The following USP45 variants were observed in gnomAD, a reference collection of about 807,000 sequenced individuals.
USP45 encodes ubiquitin carboxyl-terminal hydrolase 45.
USP45 carries 89 observed loss-of-function variants against 95.8 expected under a neutral mutation model. The observed-to-expected ratio is 0.93, with a 90% confidence interval of 0.78 to 1.11. The LOEUF (loss-of-function observed/expected upper bound fraction) is 1.11, where lower values mean the gene tolerates loss of function less well. USP45 is among the 50% of genes least tolerant of loss of function. The pLI is 0.00. For missense variants in USP45, 898 were observed against 942.5 expected, an observed-to-expected ratio of 0.95 and a Z score of 0.62; for synonymous variants, 281 against 316.2, an observed-to-expected ratio of 0.89 and a Z score of 1.18.
chr6:99,497,086 C>A (rs577964049), intron 5 of USP45, among the ~76,000 whole-genome samples: 8 of 152,208 alleles, frequency 5.3e-5, no homozygotes, highest in South Asian at 2.1e-4. Context: ...TGCCTATTCA[C>A]CCCTTCTTCC....
rs536564038 is a variant in USP45 at position 99,434,658 on chromosome 6, C to T, written c.*1058G>A. 15 of 152,134 alleles carry T rather than the reference C, an allele frequency of 9.9e-5. No individual in the cohort carries two copies. The highest frequency in any genetic ancestry group is 2.2e-4 in the Non-Finnish European group (15 of 68,002). 9.4% of individuals were successfully genotyped at this position (152,134 alleles called of 1,614,324 possible). A position where few individuals can be genotyped will look rare whatever the true frequency, so the allele number is the denominator to read the frequency against. On this transcript the variant is annotated 3_prime_UTR_variant, in exon 18 of 18. Coordinates refer to ENST00000500704, the MANE Select transcript of USP45 (RefSeq NM_001346022.3). Reference sequence around the variant, plus strand: ...AATTCACCTGAACTTATTAATGATGCTTGCTGAAGACAAAGTGATTTCAAA... The same window carrying T: ...AATTCACCTGAACTTATTAATGATGTTTGCTGAAGACAAAGTGATTTCAAA...
intron 13 of USP45, among the ~76,000 whole-genome samples, chr6:99,451,504 C>A (rs1783829358): frequency 6.6e-6 from 1 of 152,152 alleles, no homozygotes; most frequent in Non-Finnish European, 1.5e-5. Context: ...AGGAGAACTA[C>A]AAACCACTGC....
Position 99,488,281 on chromosome 6 carries a change from A to C in USP45, c.633T>G (p.Thr211=). ...CATTCATCAGATCAGTAAGAGTATA[A>C]GTCTGTGCCAAGTTCTAAAAGAAAA... ...FNAVMQNLAQ[T]YTLTDLMNEI... Residue 211 remains threonine, a synonymous_variant, in exon 7 of 18, where the codon ACT becomes ACG. Coordinates refer to ENST00000500704, the MANE Select transcript of USP45 (RefSeq NM_001346022.3). 1 of 1,605,722 alleles carries C rather than the reference A, an allele frequency of 6.2e-7. No individual in the cohort carries two copies. The highest frequency in any genetic ancestry group is 2.2e-5 in the East Asian group (1 of 44,686).
intron 16 of USP45, among the ~76,000 whole-genome samples, chr6:99,438,356 T>C (rs1392471374): frequency 6.6e-6 from 1 of 152,138 alleles, no homozygotes. Context: ...AAAAAAATTA[T>C]AAAAGAATAA....
chr6:99,439,973 C>A, intron 15 of USP45, 118 bp from the exon 16 acceptor site: 1 of 621,924 alleles, frequency 1.6e-6, no homozygotes, highest in Non-Finnish European at 2.7e-6. Flanking sequence ...AAAAATGTGA[C>A]TAATGTATAG....
chr6:99,473,777 A>AACACACAACACACACACAC (rs1790078239), intron 9 of USP45, among the ~76,000 whole-genome samples: 1 of 127,736 alleles, frequency 7.8e-6, no homozygotes, highest in Non-Finnish European at 1.6e-5. Context: ...AAAAAAACAA[A>AACACACAACACACACACAC]ACACACACAC....
At chr6:99,501,912 C>T (rs1797447007) in intron 5 of USP45, 1 of 1,284,322 alleles carries the variant, frequency 7.8e-7, no homozygotes, top group Admixed American at 2.5e-5. Context: ...CATGATGGGT[C>T]CCTCAGGCCA....
At chr6:99,461,276 A>G in intron 13 of USP45, 2 of 985,366 alleles carry the variant, frequency 2.0e-6, no homozygotes, top group Non-Finnish European at 2.4e-6. Context: ...ATGGTTTTTT[A>G]AAAAGCTGTG....
intron 1 of USP45, among the ~76,000 whole-genome samples, chr6:99,513,784 C>T (rs995385588): frequency 1.3e-5 from 2 of 152,120 alleles, no homozygotes; most frequent in Non-Finnish European, 2.9e-5. Flanking sequence ...CAGAATTCGG[C>T]AATTATTTAT....
At chr6:99,506,201 C>A (rs187107039) in intron 4 of USP45, among the ~76,000 whole-genome samples, 1 of 152,078 alleles carries the variant, frequency 6.6e-6, no homozygotes, top group African/African-American at 2.4e-5. Context: ...TTCAAGGAAC[C>A]CTTAGGAGTC....
chr6:99,453,843 C>T (rs2128583884), intron 13 of USP45, among the ~76,000 whole-genome samples: 1 of 152,178 alleles, frequency 6.6e-6, no homozygotes, highest in South Asian at 2.1e-4. Flanking sequence ...ACCTGTAATC[C>T]CAGCTACTTG....
chr6:99,493,662 T>TA (rs1377588338), intron 5 of USP45, among the ~76,000 whole-genome samples: 2 of 151,628 alleles, frequency 1.3e-5, no homozygotes, highest in Non-Finnish European at 2.9e-5. Flanking sequence ...TATGTCCAGC[T>TA]AATTTTTGGT....
chr6:99,480,400 G>A (rs1055183659), intron 8 of USP45, among the ~76,000 whole-genome samples: 1 of 152,198 alleles, frequency 6.6e-6, no homozygotes, highest in Non-Finnish European at 1.5e-5. Context: ...GACCGGCCAG[G>A]CGCAGTGGCT....
rs1248793613 is a variant in USP45 at position 99,481,543 on chromosome 6, G to A, written c.845+1210C>T. ...TTCAACTTTTATTTTAGATTCAAGG[G>A]GTACATGTGCAGGTTTGTTATCTGG... is the stretch of plus-strand genomic sequence containing the variant. On this transcript the variant is annotated intron_variant, in intron 8 of 17. Coordinates refer to ENST00000500704, the MANE Select transcript of USP45 (RefSeq NM_001346022.3). Among the ~76,000 whole-genome samples, 3 of 151,996 alleles carry A rather than the reference G, an allele frequency of 2.0e-5. No homozygotes were observed. In the East Asian group the frequency reaches 5.8e-4, roughly 29 times the overall value.
chr6:99,512,785 T>C (rs1232801347), intron 1 of USP45, among the ~76,000 whole-genome samples: 2 of 152,170 alleles, frequency 1.3e-5, no homozygotes, highest in Non-Finnish European at 2.9e-5. Context: ...CTGAGTTCCT[T>C]GAGCACTTCA....
intron 13 of USP45, among the ~76,000 whole-genome samples, chr6:99,447,028 T>TAAGCC (rs1013908754): frequency 6.6e-6 from 1 of 152,216 alleles, no homozygotes; most frequent in Non-Finnish European, 1.5e-5. Flanking sequence ...AGTTACTGTA[T>TAAGCC]AAGCCTTTCC....
At chr6:99,459,388 ATC>A (rs1190803020) in intron 13 of USP45, among the ~76,000 whole-genome samples, 10 of 152,172 alleles carry the variant, frequency 6.6e-5, no homozygotes, top group African/African-American at 2.4e-4. Context: ...ACTGTCACTG[ATC>A]AGCATTTAGG....
chr6:99,516,633 G>T (rs1202667983), upstream of USP45, among the ~76,000 whole-genome samples: 1 of 152,062 alleles, frequency 6.6e-6, no homozygotes, highest in Admixed American at 6.6e-5. Flanking sequence ...ATCATTTTGG[G>T]GTTAGGATAA....
intron 4 of USP45, 27 bp downstream of exon 4, chr6:99,507,401 C>A: frequency 1.4e-6 from 2 of 1,444,512 alleles, no homozygotes; most frequent in Non-Finnish European, 9.5e-7. Flanking sequence ...GGTTAGTGGA[C>A]ACAAGAACTA....
Sources: gnomAD v4.1 joint callset for allele counts (sites outside exome capture counted in the v4.1 genomes callset) on GRCh38, gnomAD v4.1.1 for gene constraint, MANE v1.5 for transcripts, NCBI Gene and HGNC (gene_info 2026-07-23, HGNC 2026-07-21) for gene names.